CHLSN: variants seen among roughly 807,000 people sequenced by gnomAD.
The protein encoded by CHLSN is cholesin, also known as protein cholesin.
chr7:994,170 T>C, the CHLSN span, among the ~76,000 whole-genome samples: 6 of 152,200 alleles, frequency 3.9e-5, no homozygotes, highest in Non-Finnish European at 8.8e-5. Context: ...TATGTATTTA[T>C]TTTTTCAGAC....
chr7:1,004,559 C>A, the CHLSN span, among the ~76,000 whole-genome samples: 1 of 152,204 alleles, frequency 6.6e-6, no homozygotes, highest in African/African-American at 2.4e-5. Context: ...TCAAGCCAAG[C>A]CCATCTCCCT....
At chr7:984,800 A>G in the CHLSN span, 1 of 1,234,584 alleles carries the variant, frequency 8.1e-7, no homozygotes, top group Non-Finnish European at 1.1e-6. Flanking sequence ...AAGAGGGGCC[A>G]GGGCCAGCCC....
the CHLSN span, among the ~76,000 whole-genome samples, chr7:1,001,761 T>C: frequency 4.8e-5 from 4 of 82,584 alleles, no homozygotes; most frequent in Non-Finnish European, 6.9e-5. Flanking sequence ...GTGAGTGGAG[T>C]CCTGCGGGTG....
the CHLSN span, chr7:1,010,033 C>G: frequency 1.2e-6 from 2 of 1,609,834 alleles, no homozygotes; most frequent in East Asian, 2.2e-5. Context: ...CCCGCAGACG[C>G]TGCCTCTCCT....
the CHLSN span, among the ~76,000 whole-genome samples, chr7:1,095,068 G>A: frequency 1.3e-5 from 2 of 151,426 alleles, no homozygotes; most frequent in Admixed American, 6.8e-5. Context: ...AACACCGTGC[G>A]TGGCTTGAGC....
the CHLSN span, among the ~76,000 whole-genome samples, chr7:1,027,977 A>G: frequency 1.3e-5 from 2 of 151,814 alleles, no homozygotes; most frequent in East Asian, 3.9e-4. Flanking sequence ...CTGGACCCCC[A>G]CCCTGCCACC....
the CHLSN span, among the ~76,000 whole-genome samples, chr7:1,005,552 C>T: frequency 6.6e-6 from 1 of 152,240 alleles, no homozygotes; most frequent in Non-Finnish European, 1.5e-5. Flanking sequence ...TGGGCTGTCC[C>T]TCGGCAGCGG....
At chr7:989,952 C>CCCCTCCAG in the CHLSN span, among the ~76,000 whole-genome samples, 1 of 96,384 alleles carries the variant, frequency 1.0e-5, no homozygotes, top group South Asian at 4.0e-4. Flanking sequence ...CTGGTGGTGG[C>CCCCTCCAG]GTGGTCGGCA....
At chr7:1,017,580 G>C in the CHLSN span, among the ~76,000 whole-genome samples, 4 of 152,226 alleles carry the variant, frequency 2.6e-5, no homozygotes, top group African/African-American at 9.6e-5. Flanking sequence ...GCGGGGTGGA[G>C]GACAGCGAGA....
chr7:999,483 G>T, the CHLSN span, among the ~76,000 whole-genome samples: 1 of 150,442 alleles, frequency 6.6e-6, no homozygotes, highest in Non-Finnish European at 1.5e-5. Flanking sequence ...TCTGAGGAGG[G>T]AGAGTGGCTT....
At chr7:1,035,230 T>C in the CHLSN span, among the ~76,000 whole-genome samples, 1 of 152,200 alleles carries the variant, frequency 6.6e-6, no homozygotes, top group East Asian at 1.9e-4. Flanking sequence ...TTTGTGACTG[T>C]GAACAGTGCT....
At chr7:1,001,635 G>A in the CHLSN span, among the ~76,000 whole-genome samples, 1 of 131,142 alleles carries the variant, frequency 7.6e-6, no homozygotes, top group Non-Finnish European at 1.6e-5. Flanking sequence ...TCCTGCGGGT[G>A]GGGAGTCCTG....
At chr7:1,018,534 C>T in the CHLSN span, among the ~76,000 whole-genome samples, 1 of 151,850 alleles carries the variant, frequency 6.6e-6, no homozygotes, top group African/African-American at 2.4e-5. Flanking sequence ...TCCGCACTTC[C>T]TGCCCAGTGG....
At chr7:1,000,531 T>G in the CHLSN span, 2 of 1,608,174 alleles carry the variant, frequency 1.2e-6, no homozygotes, top group Non-Finnish European at 1.7e-6. Flanking sequence ...AAACCTCCAG[T>G]TCTTGTGCTT....
the CHLSN span, among the ~76,000 whole-genome samples, chr7:1,046,863 C>T: frequency 2.2e-4 from 34 of 152,194 alleles, no homozygotes; most frequent in African/African-American, 7.7e-4. Flanking sequence ...GAGAAATAAC[C>T]TGCTGGCTCC....
At chr7:979,949 AG>A in the CHLSN span, among the ~76,000 whole-genome samples, 2 of 152,196 alleles carry the variant, frequency 1.3e-5, no homozygotes, top group Non-Finnish European at 2.9e-5. Flanking sequence ...GTGGATCTCT[AG>A]TACACTGCAA....
chr7:1,083,350 C>T, the CHLSN span, among the ~76,000 whole-genome samples: 1 of 152,080 alleles, frequency 6.6e-6, no homozygotes, highest in Non-Finnish European at 1.5e-5. Flanking sequence ...GTGGGCCGGG[C>T]GCGGTGGCTC....
the CHLSN span, among the ~76,000 whole-genome samples, chr7:1,132,694 T>TAAAAAAAAAAAAAAAAAAAA: frequency 9.3e-6 from 1 of 107,010 alleles, no homozygotes; most frequent in Admixed American, 1.0e-4. Context: ...AACCTGTCTT[T>TAAAAAAAAAAAAAAAAAAAA]AAAAAAAAAA....
chr7:1,010,844 A>C, the CHLSN span, among the ~76,000 whole-genome samples: 359 of 152,274 alleles, frequency 2.4e-3, 1 homozygote, highest in Admixed American at 5.4e-3. Context: ...GCCGCTGTCC[A>C]CATGCTTCGT....
Sources: allele counts gnomAD v4.1 joint callset (sites outside exome capture counted in the v4.1 genomes callset), GRCh38; gene constraint gnomAD v4.1.1; transcripts MANE v1.5; gene names NCBI Gene and HGNC (gene_info 2026-07-23, HGNC 2026-07-21).